The following TENM2 variants were observed in gnomAD, a reference collection of about 807,000 sequenced individuals.
TENM2 encodes teneurin-2.
Under a neutral mutation model 245.2 loss-of-function variants are expected in TENM2, and 52 were observed. The observed-to-expected ratio is 0.21, with a 90% CI of 0.17 to 0.27. TENM2 has a LOEUF of 0.27. Ranked by LOEUF, TENM2 falls within the 10% of genes least tolerant of loss-of-function variation. TENM2 has a pLI of 1.00. For missense variants in TENM2, 3,046 were observed against 3,666.8 expected (o/e 0.83, Z 4.37); for synonymous variants, 1,363 against 1,438.9 (o/e 0.95, Z 1.19).
chr5:167,740,294 A>AATCACTGTGAT (rs1761092189), intron 2 of TENM2, among the ~76,000 whole-genome samples: 1 of 152,148 alleles, frequency 6.6e-6, no homozygotes, highest in Non-Finnish European at 1.5e-5. Flanking sequence ...AACGTGCCCA[A>AATCACTGTGAT]ATCACTGTGA....
intron 4 of TENM2, among the ~76,000 whole-genome samples, chr5:167,971,918 A>G (rs1407810305): frequency 6.6e-6 from 1 of 152,204 alleles, no homozygotes; most frequent in East Asian, 1.9e-4. Flanking sequence ...GCCTTCCACT[A>G]TAAATGCCGG....
rs370468501 is a variant in TENM2, at chr5:168,247,050, C to T, written c.6111C>T (p.Ala2037=). The change falls in exon 27 of 29, where the codon GCC becomes GCT. Residue 2037 remains alanine (A), a synonymous_variant. Coordinates refer to ENST00000518659, the Ensembl canonical transcript of TENM2. The surrounding 1 kb of genome is among the most constrained non-coding windows in gnomAD (Gnocchi z 7.8). ...CAGAGATTGTCTACGACAGTACCGC[C>T]GTCACCTTCGGGTATGACGAGACCA... 1.2e-5 allele frequency: 19 copies of T among 1,613,838 alleles called. No individual in the cohort carries two copies. The highest frequency in any genetic ancestry group is 3.3e-4 in the Middle Eastern group (2 of 6,084).
intron 4 of TENM2, among the ~76,000 whole-genome samples, chr5:167,984,742 C>T (rs917414632): frequency 2.0e-5 from 3 of 152,154 alleles, no homozygotes; most frequent in South Asian, 2.1e-4. Context: ...AACGCTTAAG[C>T]GATCACCTAG....
chr5:167,045,583 C>G, the TENM2 span, among the ~76,000 whole-genome samples: 1 of 152,194 alleles, frequency 6.6e-6, no homozygotes, highest in South Asian at 2.1e-4. Context: ...AGTTAAGCAT[C>G]AATTTCTTAT....
chr5:167,210,868 C>T, the TENM2 span, among the ~76,000 whole-genome samples: 1 of 152,106 alleles, frequency 6.6e-6, no homozygotes, highest in Non-Finnish European at 1.5e-5. Flanking sequence ...ACACCATGAA[C>T]AAAGTTTGTG....
chr5:167,480,649 G>T (rs1308191131), intron 2 of TENM2, among the ~76,000 whole-genome samples: 1 of 152,102 alleles, frequency 6.6e-6, no homozygotes, highest in Non-Finnish European at 1.5e-5. Context: ...AATGAACTTT[G>T]CACCAAGGAT....
intron 3 of TENM2, among the ~76,000 whole-genome samples, chr5:167,929,319 T>A (rs1321599974): frequency 1.3e-5 from 2 of 152,046 alleles, no homozygotes; most frequent in East Asian, 3.9e-4. Flanking sequence ...AAAGAGCATT[T>A]GAGAAATGCC....
the TENM2 span, among the ~76,000 whole-genome samples, chr5:167,213,664 C>T: frequency 1.3e-5 from 2 of 152,174 alleles, no homozygotes; most frequent in Non-Finnish European, 2.9e-5. Flanking sequence ...TGAGAAGGAT[C>T]TGACAACCAC....
At chr5:167,061,083 C>G in the TENM2 span, among the ~76,000 whole-genome samples, 1 of 79,362 alleles carries the variant, frequency 1.3e-5, no homozygotes, top group East Asian at 3.9e-4. Flanking sequence ...TGATTAATCT[C>G]TCTCCAAAAC....
intron 5 of TENM2, among the ~76,000 whole-genome samples, chr5:168,005,631 A>G (rs951636476): frequency 4.6e-5 from 7 of 152,210 alleles, no homozygotes; most frequent in African/African-American, 1.7e-4. Flanking sequence ...GTTATACAGT[A>G]GGATTTTGTT....
intron 2 of TENM2, among the ~76,000 whole-genome samples, chr5:167,859,340 G>A (rs1771442825): frequency 6.7e-6 from 1 of 148,542 alleles, no homozygotes; most frequent in African/African-American, 2.5e-5. Flanking sequence ...GAAGTGAGGA[G>A]CGTCTCCGCC....
At chr5:167,012,040 C>T in the TENM2 span, among the ~76,000 whole-genome samples, 221 of 152,082 alleles carry the variant, frequency 1.5e-3, no homozygotes, top group African/African-American at 5.1e-3. Flanking sequence ...TGTGGCCTCT[C>T]GGTAACCATA....
chr5:168,095,138 C>T (rs929443482), intron 8 of TENM2, among the ~76,000 whole-genome samples: 3 of 152,080 alleles, frequency 2.0e-5, no homozygotes, highest in African/African-American at 7.2e-5. Flanking sequence ...ATAAAATGCA[C>T]AGTAAATGTG....
chr5:167,667,321 C>T (rs188003988), intron 2 of TENM2, among the ~76,000 whole-genome samples: 1 of 152,252 alleles, frequency 6.6e-6, no homozygotes, highest in East Asian at 1.9e-4. Context: ...CTTCAAGCAC[C>T]TCTCTCTGCC....
chr5:167,026,408 C>G, the TENM2 span, among the ~76,000 whole-genome samples: 1 of 152,206 alleles, frequency 6.6e-6, no homozygotes, highest in African/African-American at 2.4e-5. Flanking sequence ...CACCTGTGTT[C>G]TCCAGGTATT....
chr5:168,068,496 AG>A (rs1790695240), intron 7 of TENM2, among the ~76,000 whole-genome samples: 1 of 152,198 alleles, frequency 6.6e-6, no homozygotes, highest in South Asian at 2.1e-4. Context: ...ATCCATGTTT[AG>A]TATTATCATG....
intron 2 of TENM2, among the ~76,000 whole-genome samples, chr5:167,445,336 T>TATATATATAGAGAGAG (rs368881390): frequency 7.4e-4 from 57 of 77,252 alleles, no homozygotes; most frequent in Non-Finnish European, 1.1e-3. Context: ...TATATATATA[T>TATATATATAGAGAGAG]AGAGAGAGAG....
intron 2 of TENM2, among the ~76,000 whole-genome samples, chr5:167,509,580 A>G (rs1769786705): frequency 6.6e-6 from 1 of 152,196 alleles, no homozygotes; most frequent in Admixed American, 6.5e-5. Flanking sequence ...TACCAATGAC[A>G]CACTCAGGAA....
the TENM2 span, among the ~76,000 whole-genome samples, chr5:167,169,848 G>A: frequency 9.9e-5 from 15 of 152,272 alleles, no homozygotes; most frequent in South Asian, 4.1e-4. Flanking sequence ...TCTTTTGTAG[G>A]AATGAGCTTT....
Sources: allele counts gnomAD v4.1 joint callset (sites outside exome capture counted in the v4.1 genomes callset), GRCh38; gene constraint gnomAD v4.1.1; non-coding constraint Gnocchi (gnomAD v3.1); transcripts MANE v1.5; gene names NCBI Gene and HGNC (gene_info 2026-07-23, HGNC 2026-07-21).